The following BRPF3 variants were observed in gnomAD, a reference collection of about 807,000 sequenced individuals.
BRPF3 encodes the protein bromodomain and PHD finger-containing protein 3.
In BRPF3, 18 loss-of-function variants were observed where a neutral mutation model predicts 102.0. That is an observed-to-expected ratio of 0.18 (90% CI 0.12 to 0.26). The LOEUF is 0.26. Among genes scored for constraint, BRPF3 ranks in the 10% least tolerant of loss-of-function variants. The pLI, the probability that BRPF3 is intolerant of heterozygous loss-of-function variation, is 1.00. For missense variants in BRPF3, 1,147 were observed against 1,567.8 expected (o/e 0.73, Z 4.53); for synonymous variants, 570 against 614.2 (o/e 0.93, Z 1.06).
In BRPF3 at chr6:36,201,173, A is replaced by C. The variant is rs763856504; in HGVS notation, c.851A>C (p.Asp284Ala). Reference protein sequence around the residue: ...NKGGAFKQTSDGHWAHVVCAI... With the variant: ...NKGGAFKQTSAGHWAHVVCAI... ...GGTGGCGCCTTCAAACAGACCAGTG[A>C]TGGGCACTGGGCCCATGTGGTGTGT... The change falls in exon 2 of 13, where the codon GAT becomes GCT. Residue 284 changes from aspartate to alanine, a missense_variant. By Grantham distance (126) the Asp-to-Ala change is moderately radical. Transcript: ENST00000357641. The surrounding 1 kb of genome is among the most constrained non-coding windows in gnomAD (Gnocchi z 5.1). 1.9e-6 allele frequency: 3 copies of C among 1,614,132 alleles called. No homozygotes were observed. The South Asian group carries it at 3.3e-5, about 18-fold the overall frequency.
chr6:36,210,117 G>A lies in BRPF3; in HGVS notation c.1867-99G>A. On this transcript the variant is annotated intron_variant, in intron 5 of 12. Transcript: ENST00000357641. The surrounding 1 kb of genome is among the most constrained non-coding windows in gnomAD (Gnocchi z 4.7). ...GTAGGTCTTTGAGTTAGCCTGGCATGGCCAAATCAGAAATTGAGGAGGCCA... is the reference window on the plus strand; with the variant it reads ...GTAGGTCTTTGAGTTAGCCTGGCATAGCCAAATCAGAAATTGAGGAGGCCA... 3.3e-6 allele frequency: 5 copies of A among 1,496,214 alleles called. No homozygotes were observed. The highest frequency in any genetic ancestry group is 4.6e-6 in the Non-Finnish European group (5 of 1,082,500). 92.7% of individuals were successfully genotyped at this position (1,496,214 alleles called of 1,614,324 possible).
intron 12 of BRPF3, among the ~76,000 whole-genome samples, chr6:36,229,305 G>A (rs1025171898): frequency 5.3e-5 from 8 of 152,202 alleles, no homozygotes; most frequent in Admixed American, 2.0e-4. Flanking sequence ...GGGCGGGAGC[G>A]ATGCAGCACT....
intron 1 of BRPF3, among the ~76,000 whole-genome samples, chr6:36,197,891 C>T (rs1767562281): frequency 6.6e-6 from 1 of 152,000 alleles, no homozygotes; most frequent in African/African-American, 2.4e-5. Flanking sequence ...TCGAGAGATG[C>T]TTGAGCAGCC....
intron 1 of BRPF3, among the ~76,000 whole-genome samples, chr6:36,198,412 CA>C: frequency 6.6e-6 from 1 of 152,148 alleles, no homozygotes; most frequent in East Asian, 1.9e-4. Context: ...TAGATTGCCC[CA>C]GAGCCTCGTT....
intron 3 of BRPF3, among the ~76,000 whole-genome samples, 159 bp downstream of exon 3, chr6:36,204,973 G>A (rs1767855757): frequency 6.6e-6 from 1 of 152,182 alleles, no homozygotes; most frequent in South Asian, 2.1e-4. Context: ...CAGCACTACA[G>A]AGATCTTCAA....
intron 11 of BRPF3, among the ~76,000 whole-genome samples, chr6:36,225,835 G>C (rs1412659360): frequency 6.6e-6 from 1 of 152,154 alleles, no homozygotes; most frequent in Non-Finnish European, 1.5e-5. Context: ...CAAAGCCTGT[G>C]TTCTGAGCCA....
chr6:36,223,769 C>T lies in BRPF3; in HGVS notation c.3182-1498C>T, dbSNP rs984716298. ...TTAGCATTATATGTAATGTAGTGAA[C>T]CCATATTTTTGTTTAAAATCCTTTT... On this transcript the variant is annotated intron_variant, in intron 10 of 12. Transcript: ENST00000357641. Among the ~76,000 whole-genome samples, 4 of 152,042 alleles carry T rather than the reference C, an allele frequency of 2.6e-5. No homozygotes were observed. The East Asian group carries it at 7.7e-4, about 29-fold the overall frequency.
intron 8 of BRPF3, among the ~76,000 whole-genome samples, 188 bp from the exon 9 acceptor site, chr6:36,217,729 A>C (rs1768380311): frequency 6.6e-6 from 1 of 152,188 alleles, no homozygotes. Flanking sequence ...CCTAGCCAGC[A>C]ATATTTCCCC....
Position 36,210,013 on chromosome 6 carries a change from A to G in BRPF3, c.1866+98A>G, listed in dbSNP as rs957992423. The G allele has an allele frequency of 9.2e-6, 14 of 1,518,706 alleles. No individual in the cohort carries two copies. In the African/African-American group the frequency reaches 1.9e-4, roughly 21 times the overall value. 94.1% of individuals were successfully genotyped at this position (1,518,706 alleles called of 1,614,324 possible). On this transcript the variant is annotated intron_variant, in intron 5 of 12. Transcript: ENST00000357641. The surrounding 1 kb of genome is among the most constrained non-coding windows in gnomAD (Gnocchi z 4.7). ...GTTGGGCCACAGGGTGTACAAAACC[A>G]GGGGTAGGAGGGTGGGTCTGGCAAA...
chr6:36,215,094 C>T (rs896304673), intron 8 of BRPF3, among the ~76,000 whole-genome samples: 6 of 151,922 alleles, frequency 3.9e-5, no homozygotes, highest in African/African-American at 1.5e-4. Flanking sequence ...GTGGAGGTTC[C>T]ATCACTAAAG....
Position 36,232,422 on chromosome 6 carries a change from C to CT in BRPF3, c.*1814dup, listed in dbSNP as rs1768965696. ...CTTGGGACTTCCTCTCTTTCTATGT[C>CT]TATCTCTTCCCCCCAACACTTTCTC... is the stretch of plus-strand genomic sequence containing the variant. On this transcript the variant is annotated 3_prime_UTR_variant, in exon 13 of 13. Coordinates refer to ENST00000357641, the MANE Select transcript of BRPF3 (RefSeq NM_015695.3). 1.3e-5 allele frequency: 2 copies of CT among 152,682 alleles called. No individual in the cohort carries two copies. The highest frequency in any genetic ancestry group is 1.9e-4 in the East Asian group (1 of 5,186). 9.5% of individuals were successfully genotyped at this position (152,682 alleles called of 1,614,324 possible).
chr6:36,211,400 G>C lies in BRPF3; in HGVS notation c.2322G>C (p.Glu774Asp), dbSNP rs1201214066. The C allele has an allele frequency of 1.2e-6, 2 of 1,614,096 alleles. No individual in the cohort carries two copies. Among genetic ancestry groups the C allele is most frequent in the Non-Finnish European group, 1.7e-6 (2 of 1,179,956 alleles). Residue 774 changes from glutamate to aspartate, a missense_variant, in exon 7 of 13, where the codon GAG becomes GAC. Glu to Asp is a conservative substitution (Grantham distance 45). Transcript: ENST00000357641. ...GTCGTGTCCGCCTGCTACGCCGGGA[G>C]ATCAATGCCCTTCGGCAGAAGCTGG... is the stretch of plus-strand genomic sequence containing the variant. ...RTRRVRLLRR[E>D]INALRQKLAQ...
At position 36,232,694 on chromosome 6, in the gene BRPF3, A is replaced by C. The variant is rs1768974122; in HGVS notation, c.*2085A>C. 6.6e-6 allele frequency: 1 copy of C among 152,656 alleles called. No individual in the cohort carries two copies. The highest frequency in any genetic ancestry group is 1.5e-5 in the Non-Finnish European group (1 of 68,034). The allele number at this position is 152,656 out of a possible 1,614,324, so 9.5% of individuals were successfully genotyped here. Reference sequence around the variant, plus strand: ...AGAGGTAATAAACAGAGAAAAATCTATGCTTGTAAAGAATACAAAAGTTAA... The same window carrying C: ...AGAGGTAATAAACAGAGAAAAATCTCTGCTTGTAAAGAATACAAAAGTTAA... On this transcript the variant is annotated 3_prime_UTR_variant, in exon 13 of 13. Coordinates refer to ENST00000357641, the MANE Select transcript of BRPF3 (RefSeq NM_015695.3).
At chr6:36,228,876 G>A in intron 11 of BRPF3, 26 bp from the exon 12 acceptor site, 1 of 1,613,146 alleles carries the variant, frequency 6.2e-7, no homozygotes, top group Non-Finnish European at 8.5e-7. Context: ...CCCTCACTGA[G>A]TGCCCATCTT....
intron 9 of BRPF3, among the ~76,000 whole-genome samples, chr6:36,219,064 G>C (rs1768436018): frequency 6.6e-6 from 1 of 152,198 alleles, no homozygotes; most frequent in Non-Finnish European, 1.5e-5. Flanking sequence ...GTTCAGAGTA[G>C]GGGAGGAAAG....
Position 36,200,784 on chromosome 6 carries a change from T to C in BRPF3, c.462T>C (p.Tyr154=), listed in dbSNP as rs549624999. 1 of 1,614,058 alleles carries C rather than the reference T, an allele frequency of 6.2e-7. No homozygotes were observed. The highest frequency in any genetic ancestry group is 2.2e-5 in the East Asian group (1 of 44,864). Reference sequence around the variant, plus strand: ...AAGACCTGGATGCAGAGGTAGAGTATGACATGGATGAGGAGGACCTTGCCT... The same window carrying C: ...AAGACCTGGATGCAGAGGTAGAGTACGACATGGATGAGGAGGACCTTGCCT... ...PPEDLDAEVE[Y]DMDEEDLAWL... Residue 154 remains tyrosine, a synonymous_variant, in exon 2 of 13, where the codon TAT becomes TAC. Coordinates refer to ENST00000357641, the MANE Select transcript of BRPF3 (RefSeq NM_015695.3). This position sits in a 1 kb window ranked among gnomAD's most constrained non-coding sequence, Gnocchi z 5.3.
In BRPF3 at chr6:36,211,346, C is replaced by T. The variant is rs771259040; in HGVS notation, c.2268C>T (p.Ser756=). The change falls in exon 7 of 13, where the codon AGC becomes AGT. Residue 756 remains serine (S), a synonymous_variant. Transcript: ENST00000357641. ...TGCTGGAGAAACTGGACCTGGTGAG[C>T]GCCATGCGGTCCAGTGGGGCCCGCA... ...KELLEKLDLV[S]AMRSSGARTR... is the part of the protein sequence containing the mutation. The T allele has an allele frequency of 8.7e-6, 14 of 1,614,122 alleles. No individual in the cohort carries two copies. In the African/African-American group the frequency reaches 1.1e-4, roughly 12 times the overall value.
Position 36,200,268 on chromosome 6 carries a change from C to T in BRPF3, c.-26-29C>T. 1 of 1,546,066 alleles carries T rather than the reference C, an allele frequency of 6.5e-7. No individual in the cohort carries two copies. Among genetic ancestry groups the T allele is most frequent in the Non-Finnish European group, 8.7e-7 (1 of 1,149,118 alleles). On this transcript the variant is annotated intron_variant, in intron 1 of 12. Transcript: ENST00000357641. The surrounding 1 kb of genome is among the most constrained non-coding windows in gnomAD (Gnocchi z 5.3). The stretch of plus-strand genomic sequence containing the variant: ...TGAATGGGTGCATAAGGGCATCCAA[C>T]TCATAGTCTCCTGGCCTTCTCTCCT...
chr6:36,211,660 T>A, intron 7 of BRPF3, 100 bp downstream of exon 7: 1 of 1,403,142 alleles, frequency 7.1e-7, no homozygotes, highest in South Asian at 1.4e-5. Flanking sequence ...AGTTTAGATC[T>A]GACACTTGTG....
Sources: allele counts gnomAD v4.1 joint callset (sites outside exome capture counted in the v4.1 genomes callset), GRCh38; gene constraint gnomAD v4.1.1; non-coding constraint Gnocchi (gnomAD v3.1); transcripts MANE v1.5; gene names NCBI Gene and HGNC (gene_info 2026-07-23, HGNC 2026-07-21).